The following AIG1 variants were observed in gnomAD, a reference collection of about 807,000 sequenced individuals.
AIG1 encodes the protein androgen-induced gene 1 protein.
In AIG1, 23 loss-of-function variants were observed where a neutral mutation model predicts 31.4. That is an observed-to-expected ratio of 0.73 (90% CI 0.53 to 1.04). The LOEUF (loss-of-function observed/expected upper bound fraction) is 1.04, where lower values mean the gene tolerates loss of function less well. AIG1 is among the 50% of genes least tolerant of loss of function. The pLI is 0.00. For missense variants in AIG1, 274 were observed against 295.0 expected, an observed-to-expected ratio of 0.93 and a Z score of 0.52; for synonymous variants, 100 against 110.5, an observed-to-expected ratio of 0.90 and a Z score of 0.60.
chr6:143,255,791 T>C (rs1023242195), intron 3 of AIG1, among the ~76,000 whole-genome samples: 1 of 152,220 alleles, frequency 6.6e-6, no homozygotes, highest in African/African-American at 2.4e-5. Flanking sequence ...TATAAATTTA[T>C]ATTAACTTAA....
chr6:143,136,970 T>G lies in AIG1; in HGVS notation c.277T>G (p.Leu93Val), dbSNP rs376915587. 6 of 1,457,564 alleles carry G rather than the reference T, an allele frequency of 4.1e-6. No individual in the cohort carries two copies. In the African/African-American group the frequency reaches 8.5e-5, roughly 21 times the overall value. 90.3% of individuals were successfully genotyped at this position (1,457,564 alleles called of 1,614,324 possible). ...TCTCCGGGACTGGATGTTAGCTGTGTTGGCCTTTCCTGTTGGGGTTGTGAG... is the reference window on the plus strand; with the variant it reads ...TCTCCGGGACTGGATGTTAGCTGTGGTGGCCTTTCCTGTTGGGGTTGTGAG... The part of the protein sequence containing the change: ...ISLRDWMLAV[L>V]AFPVGVFVVA... The change falls in exon 2 of 6, where the codon TTG becomes GTG. Residue 93 changes from leucine (L) to valine (V), a missense_variant. Leu to Val is a conservative substitution (Grantham distance 32). Coordinates refer to ENST00000357847, the MANE Select transcript of AIG1 (RefSeq NM_016108.4).
chr6:143,226,371 C>T (rs1277275092), intron 3 of AIG1, among the ~76,000 whole-genome samples: 1 of 151,738 alleles, frequency 6.6e-6, no homozygotes, highest in Admixed American at 6.6e-5. Context: ...CTCCAAGTAG[C>T]TGCGACTACA....
At chr6:143,301,996 A>G (rs1398905593) in intron 4 of AIG1, among the ~76,000 whole-genome samples, 1 of 114,674 alleles carries the variant, frequency 8.7e-6, no homozygotes, top group Non-Finnish European at 2.0e-5. Context: ...TTCCAGGTTA[A>G]TAACCCTCCG....
At chr6:143,259,970 G>A (rs1336460708) in intron 3 of AIG1, among the ~76,000 whole-genome samples, 1 of 151,900 alleles carries the variant, frequency 6.6e-6, no homozygotes, top group African/African-American at 2.4e-5. Context: ...AGCTGCATTG[G>A]AGAAGGGAGT....
intron 3 of AIG1, among the ~76,000 whole-genome samples, chr6:143,228,392 G>A (rs1002163577): frequency 1.3e-4 from 20 of 152,196 alleles, no homozygotes; most frequent in African/African-American, 4.6e-4. Flanking sequence ...TACAAAATGT[G>A]GCTAGGTAAG....
At chr6:143,112,326 T>C (rs1460550404) in intron 1 of AIG1, among the ~76,000 whole-genome samples, 1 of 152,234 alleles carries the variant, frequency 6.6e-6, no homozygotes. Flanking sequence ...TATGTCATGC[T>C]CTAGGGGGAA....
At chr6:143,176,101 G>A (rs1788132411) in intron 3 of AIG1, among the ~76,000 whole-genome samples, 1 of 152,220 alleles carries the variant, frequency 6.6e-6, no homozygotes, top group Admixed American at 6.5e-5. Context: ...ACCCAGTGGA[G>A]CTGCCAGGCT....
intron 3 of AIG1, among the ~76,000 whole-genome samples, chr6:143,262,697 T>C (rs1288979034): frequency 6.6e-6 from 1 of 151,442 alleles, no homozygotes; most frequent in Non-Finnish European, 1.5e-5. Context: ...GAAGACTCAT[T>C]AGAAAAAAAT....
intron 3 of AIG1, among the ~76,000 whole-genome samples, chr6:143,261,856 A>T (rs1023696298): frequency 6.6e-6 from 1 of 152,238 alleles, no homozygotes; most frequent in Non-Finnish European, 1.5e-5. Flanking sequence ...GAACGTCTTG[A>T]TGTCTTTTTC....
chr6:143,166,241 T>C (rs570831445), intron 3 of AIG1, among the ~76,000 whole-genome samples: 254 of 152,324 alleles, frequency 1.7e-3, no homozygotes, highest in Non-Finnish European at 2.8e-3. Flanking sequence ...AGCCACACTC[T>C]TGAAGGATTA....
At chr6:143,220,100 G>A (rs1471709978) in intron 3 of AIG1, among the ~76,000 whole-genome samples, 1 of 151,952 alleles carries the variant, frequency 6.6e-6, no homozygotes, top group Non-Finnish European at 1.5e-5. Context: ...GGGGGCAGGG[G>A]GCAGGGGGCA....
Position 143,082,270 on chromosome 6 carries a change from G to A in AIG1, c.141+21204G>A, listed in dbSNP as rs9496515. Among the ~76,000 whole-genome samples, 674 of 152,252 alleles carry A rather than the reference G, an allele frequency of 4.4e-3. 4 individuals are homozygous for A. The highest frequency in any genetic ancestry group is 0.015 in the African/African-American group (633 of 41,528). ...GTATTCCATTATCACTGAACACTGCGTAAGCCGCCTTTCGAAGTCCTTTTT... is the reference window on the plus strand; with the variant it reads ...GTATTCCATTATCACTGAACACTGCATAAGCCGCCTTTCGAAGTCCTTTTT... On this transcript the variant is annotated intron_variant, in intron 1 of 5. Transcript: ENST00000357847.
intron 3 of AIG1, among the ~76,000 whole-genome samples, chr6:143,283,187 T>G (rs1262797553): frequency 6.6e-6 from 1 of 152,244 alleles, no homozygotes; most frequent in African/African-American, 2.4e-5. Context: ...AATTTTAGTT[T>G]CCTTTCTTCT....
At position 143,136,944 on chromosome 6, in the gene AIG1, C is replaced by G. The variant is rs1783812144; in HGVS notation, c.251C>G (p.Ser84Cys). The G allele has an allele frequency of 6.6e-6, 10 of 1,518,454 alleles. No individual in the cohort carries two copies. Among genetic ancestry groups the G allele is most frequent in the Non-Finnish European group, 8.9e-6 (10 of 1,119,660 alleles). 94.1% of individuals were successfully genotyped at this position (1,518,454 alleles called of 1,614,324 possible). A position where few individuals can be genotyped will look rare whatever the true frequency, so the allele number is the denominator to read the frequency against. The change falls in exon 2 of 6, where the codon TCT (serine) becomes TGT (cysteine). Residue 84 changes from serine to cysteine, a missense_variant. Coordinates refer to ENST00000357847, the MANE Select transcript of AIG1 (RefSeq NM_016108.4). ...GAGAGGCAGCTCAAGAAGCTCATCT[C>G]TCTCCGGGACTGGATGTTAGCTGTG... ...EQERQLKKLI[S>C]LRDWMLAVLA...
chr6:143,089,342 G>A (rs2128474720), intron 1 of AIG1, among the ~76,000 whole-genome samples: 1 of 152,194 alleles, frequency 6.6e-6, no homozygotes, highest in African/African-American at 2.4e-5. Context: ...TAAGGGATAA[G>A]CACTTGGGCT....
intron 3 of AIG1, among the ~76,000 whole-genome samples, chr6:143,228,529 G>T (rs553284448): frequency 6.6e-6 from 1 of 152,278 alleles, no homozygotes; most frequent in South Asian, 2.1e-4. Flanking sequence ...GAGTCTACAG[G>T]CAGGCAACAG....
At position 143,198,320 on chromosome 6, in the gene AIG1, T is replaced by C. The variant is rs1382853702; in HGVS notation, c.399+33137T>C. On this transcript the variant is annotated intron_variant, in intron 3 of 5. Transcript: ENST00000357847. ...TAGAACCAAACCCAGCCAGCCTTTC[T>C]ACTTTGCTGTTTTCCATGGCGTATG... is the stretch of plus-strand genomic sequence containing the variant. Among the ~76,000 whole-genome samples, 8 of 152,216 alleles carry C rather than the reference T, an allele frequency of 5.3e-5. No individual in the cohort carries two copies. The East Asian group carries it at 1.5e-3, about 29-fold the overall frequency.
chr6:143,343,063 C>T (rs1243590795), downstream of AIG1: 3 of 783,112 alleles, frequency 3.8e-6, no homozygotes, highest in Admixed American at 1.7e-5. Flanking sequence ...TGGACCATCA[C>T]TTGGTGCATC....
intron 1 of AIG1, among the ~76,000 whole-genome samples, chr6:143,097,115 CCTG>C (rs1434268846): frequency 2.6e-5 from 4 of 151,740 alleles, no homozygotes; most frequent in Non-Finnish European, 2.9e-5. Context: ...AGGGAATAGC[CCTG>C]TAACAGCAGA....
Sources: gnomAD v4.1 joint callset for allele counts (sites outside exome capture counted in the v4.1 genomes callset) on GRCh38, gnomAD v4.1.1 for gene constraint, MANE v1.5 for transcripts, NCBI Gene and HGNC (gene_info 2026-07-23, HGNC 2026-07-21) for gene names.